COL19A1: variants seen among roughly 807,000 people sequenced by gnomAD.
The protein encoded by COL19A1 is collagen type XIX alpha 1 chain.
COL19A1 carries 159 observed loss-of-function variants against 190.2 expected under a neutral mutation model. The ratio of observed to expected loss-of-function variants is 0.84; its 90% CI spans 0.73 to 0.95. COL19A1 has a LOEUF of 0.95. Ranked by LOEUF, COL19A1 falls within the 40% of genes least tolerant of loss-of-function variation. The probability of loss-of-function intolerance (pLI) is 0.00; values close to 1 mark genes in which losing one functional copy is unlikely to be tolerated. For synonymous variants in COL19A1, 509 were observed against 458.9 expected (o/e 1.11, Z -1.39); for missense variants, 1,418 against 1,431.9 (o/e 0.99, Z 0.16).
At chr6:69,987,679 A>G (rs943417851) in intron 11 of COL19A1, among the ~76,000 whole-genome samples, 7 of 152,190 alleles carry the variant, frequency 4.6e-5, no homozygotes, top group African/African-American at 1.7e-4. Context: ...CTTGAATCTA[A>G]CAAAATACCT....
intron 16 of COL19A1, among the ~76,000 whole-genome samples, chr6:70,106,101 G>GT (rs1783942192): frequency 6.6e-6 from 1 of 152,094 alleles, no homozygotes; most frequent in Non-Finnish European, 1.5e-5. Context: ...ATCAAACATA[G>GT]TGTTGTTATT....
intron 9 of COL19A1, among the ~76,000 whole-genome samples, chr6:69,955,195 C>A (rs1774337749): frequency 6.6e-6 from 1 of 152,114 alleles, no homozygotes; most frequent in Non-Finnish European, 1.5e-5. Context: ...GAAATCATCA[C>A]AGTTACATAG....
chr6:70,075,851 A>G (rs1175119394), intron 15 of COL19A1, among the ~76,000 whole-genome samples: 1 of 152,250 alleles, frequency 6.6e-6, no homozygotes, highest in Non-Finnish European at 1.5e-5. Context: ...CAGTGAGCTG[A>G]GGTCCTTACA....
intron 11 of COL19A1, among the ~76,000 whole-genome samples, chr6:69,968,429 CAGAT>C (rs1775243153): frequency 6.6e-6 from 1 of 151,996 alleles, no homozygotes; most frequent in South Asian, 2.1e-4. Context: ...TCATTTATTT[CAGAT>C]AGATAGATTT....
intron 1 of COL19A1, 140 bp downstream of exon 1, chr6:69,866,780 T>C (rs766962207): frequency 6.6e-6 from 1 of 152,180 alleles, no homozygotes; most frequent in Non-Finnish European, 1.5e-5. Context: ...CATGGAAATA[T>C]GTTTAGGTGG....
rs367865700 is a variant in COL19A1 at position 70,131,431 on chromosome 6, T to TA, written c.1383+1209dup. Among the ~76,000 whole-genome samples the TA allele has an allele frequency of 4.9e-3, 745 of 152,266 alleles. 7 individuals carry two copies. Among genetic ancestry groups the TA allele is most frequent in the African/African-American group, 0.017 (711 of 41,548 alleles). ...GTCTCACCAGAAACTAGGAGCTTCT[T>TA]ACAGATTGATGATTGAAAATGAAAT... is the stretch of plus-strand genomic sequence containing the variant. On this transcript the variant is annotated intron_variant, in intron 18 of 50. Transcript: ENST00000620364.
chr6:70,158,342 T>C (rs1460260298), intron 34 of COL19A1, among the ~76,000 whole-genome samples: 1 of 152,118 alleles, frequency 6.6e-6, no homozygotes, highest in Non-Finnish European at 1.5e-5. Flanking sequence ...CAATGAACTA[T>C]ACCATTTCAA....
At chr6:69,921,346 CAT>C (rs1322390121) in intron 4 of COL19A1, among the ~76,000 whole-genome samples, 16 of 119,862 alleles carry the variant, frequency 1.3e-4, no homozygotes, top group Admixed American at 3.8e-4. Flanking sequence ...CTATATATAT[CAT>C]ATATCATAAT....
intron 11 of COL19A1, among the ~76,000 whole-genome samples, chr6:69,997,161 A>G (rs1776966111): frequency 6.6e-6 from 1 of 152,046 alleles, no homozygotes; most frequent in African/African-American, 2.4e-5. Context: ...AAAGCAAAGA[A>G]GCCTTGAGAA....
At chr6:70,005,399 G>C (rs1218199280) in intron 11 of COL19A1, among the ~76,000 whole-genome samples, 1 of 151,934 alleles carries the variant, frequency 6.6e-6, no homozygotes, top group Admixed American at 6.6e-5. Flanking sequence ...TTCTTTCAAT[G>C]GTCAGGTACC....
intron 12 of COL19A1, among the ~76,000 whole-genome samples, chr6:70,028,899 A>G (rs1310438672): frequency 3.3e-5 from 5 of 151,782 alleles, no homozygotes; most frequent in Non-Finnish European, 7.4e-5. Context: ...AATAAAACAC[A>G]TTTAGCTCTA....
chr6:70,186,311 A>G (rs959085138), intron 46 of COL19A1, among the ~76,000 whole-genome samples: 42 of 152,220 alleles, frequency 2.8e-4, no homozygotes, highest in African/African-American at 9.9e-4. Context: ...TGATCAGAGT[A>G]TTAATCATTG....
chr6:70,130,246 G>A, intron 18 of COL19A1, 23 bp downstream of exon 18: 1 of 1,564,394 alleles, frequency 6.4e-7, no homozygotes, highest in African/African-American at 1.4e-5. Flanking sequence ...TTTTTTTTTA[G>A]ATGGAGTCTT....
intron 15 of COL19A1, among the ~76,000 whole-genome samples, chr6:70,089,266 T>G (rs1372446564): frequency 6.6e-6 from 1 of 152,174 alleles, no homozygotes; most frequent in Non-Finnish European, 1.5e-5. Context: ...AGTTGTTGGT[T>G]TGTCAGCCAT....
At chr6:70,095,670 T>A (rs989759447) in intron 15 of COL19A1, among the ~76,000 whole-genome samples, 13 of 152,202 alleles carry the variant, frequency 8.5e-5, no homozygotes, top group Non-Finnish European at 5.9e-5. Context: ...TCTATAAACA[T>A]TAAACAACTC....
intron 7 of COL19A1, among the ~76,000 whole-genome samples, chr6:69,933,743 G>T (rs1772929965): frequency 6.6e-6 from 1 of 151,898 alleles, no homozygotes; most frequent in Non-Finnish European, 1.5e-5. Flanking sequence ...TTTTTAAATT[G>T]ATTTAAGTAC....
chr6:70,169,419 A>G (rs1369702658), intron 40 of COL19A1, among the ~76,000 whole-genome samples: 6 of 152,184 alleles, frequency 3.9e-5, no homozygotes, highest in Admixed American at 1.3e-4. Context: ...GCTGAAATAA[A>G]TTTTCAAAAC....
At chr6:70,067,714 G>C (rs1357112792) in intron 14 of COL19A1, among the ~76,000 whole-genome samples, 1 of 152,062 alleles carries the variant, frequency 6.6e-6, no homozygotes, top group Non-Finnish European at 1.5e-5. Flanking sequence ...GATTAGGGAA[G>C]AAAGAAGCAG....
chr6:70,061,535 A>C (rs908103904), intron 14 of COL19A1, among the ~76,000 whole-genome samples: 4 of 152,128 alleles, frequency 2.6e-5, no homozygotes, highest in Non-Finnish European at 5.9e-5. Flanking sequence ...GATTATCATA[A>C]ATATTTTTTG....
Sources: gnomAD v4.1 joint callset for allele counts (sites outside exome capture counted in the v4.1 genomes callset) on GRCh38, gnomAD v4.1.1 for gene constraint, MANE v1.5 for transcripts, NCBI Gene and HGNC (gene_info 2026-07-23, HGNC 2026-07-21) for gene names.